SPAG1: variants seen among roughly 807,000 people sequenced by gnomAD.
SPAG1 encodes the protein sperm associated antigen 1.
Under a neutral mutation model 100.5 loss-of-function variants are expected in SPAG1, and 69 were observed. The observed-to-expected ratio is 0.69, with a 90% CI of 0.57 to 0.84. The LOEUF (loss-of-function observed/expected upper bound fraction) is 0.84, where lower values mean the gene tolerates loss of function less well. SPAG1 is among the 40% of genes least tolerant of loss of function. SPAG1 has a pLI of 0.00. For synonymous variants in SPAG1, 336 were observed against 411.6 expected (o/e 0.82, Z 2.22); for missense variants, 955 against 1,133.1 (o/e 0.84, Z 2.26).
chr8:100,215,276 C>T (rs1243226329), intron 12 of SPAG1, among the ~76,000 whole-genome samples: 1 of 151,724 alleles, frequency 6.6e-6, no homozygotes, highest in Non-Finnish European at 1.5e-5. Flanking sequence ...AAGTTACCTG[C>T]CTGGATGGTA....
intron 10 of SPAG1, among the ~76,000 whole-genome samples, chr8:100,204,512 TA>T (rs34784426): frequency 0.5 from 74,381 of 147,820 alleles, 19,612 homozygotes; most frequent in Admixed American, 0.63. Context: ...CTTGGAGAGT[TA>T]AAAAAAAAAA....
At chr8:100,202,891 T>A (rs1265836051) in intron 10 of SPAG1, among the ~76,000 whole-genome samples, 1 of 152,098 alleles carries the variant, frequency 6.6e-6, no homozygotes, top group Non-Finnish European at 1.5e-5. Context: ...CTGGGTGCAG[T>A]GGCTCATGCC....
chr8:100,212,985 C>T, intron 10 of SPAG1, 105 bp from the exon 11 acceptor site: 4 of 956,408 alleles, frequency 4.2e-6, no homozygotes, highest in Non-Finnish European at 5.6e-6. Context: ...GCCGGCTTCC[C>T]TAGAGCCCGC....
intron 13 of SPAG1, 87 bp downstream of exon 13, chr8:100,220,518 ATG>A (rs1236694504): frequency 1.7e-5 from 18 of 1,086,196 alleles, no homozygotes; most frequent in Non-Finnish European, 2.2e-5. Flanking sequence ...CAAAATATAG[ATG>A]TGTTATCAGT....
intron 12 of SPAG1, among the ~76,000 whole-genome samples, chr8:100,218,075 A>G (rs1386948533): frequency 3.3e-5 from 5 of 152,158 alleles, no homozygotes; most frequent in Admixed American, 6.5e-5. Flanking sequence ...TACAGGCTTG[A>G]GCCACCGTGC....
intron 16 of SPAG1, among the ~76,000 whole-genome samples, chr8:100,233,838 T>C (rs1412041808): frequency 6.6e-6 from 1 of 152,258 alleles, no homozygotes; most frequent in Admixed American, 6.5e-5. Flanking sequence ...GGTTTGGTAC[T>C]GAATTACCGA....
chr8:100,208,858 A>T (rs1019373612), intron 10 of SPAG1, among the ~76,000 whole-genome samples: 1 of 152,162 alleles, frequency 6.6e-6, no homozygotes, highest in African/African-American at 2.4e-5. Flanking sequence ...TCTTTATTTG[A>T]AGATTATGTA....
chr8:100,166,787 A>G (rs2514694), intron 3 of SPAG1, among the ~76,000 whole-genome samples: 95,858 of 151,774 alleles, frequency 0.63, 30,706 homozygotes, highest in African/African-American at 0.74. Flanking sequence ...TGTGTCTGTA[A>G]TCCCAGCCAT....
At chr8:100,221,115 TATAGAATAAG>T (rs1288842249) in intron 13 of SPAG1, among the ~76,000 whole-genome samples, 1 of 152,106 alleles carries the variant, frequency 6.6e-6, no homozygotes, top group African/African-American at 2.4e-5. Context: ...CAGTACTAGC[TATAGAATAAG>T]ATCCAAAAAT....
chr8:100,203,296 T>C (rs1200011910), intron 10 of SPAG1, among the ~76,000 whole-genome samples: 5 of 152,148 alleles, frequency 3.3e-5, no homozygotes, highest in Non-Finnish European at 7.3e-5. Context: ...TTGTGGGACC[T>C]TGTGATTGTG....
At chr8:100,159,136 C>A (rs1183639666) in intron 1 of SPAG1, among the ~76,000 whole-genome samples, 1 of 152,152 alleles carries the variant, frequency 6.6e-6, no homozygotes, top group Non-Finnish European at 1.5e-5. Context: ...TCAAGGTAAT[C>A]TATTTTAATC....
intron 10 of SPAG1, among the ~76,000 whole-genome samples, chr8:100,204,636 C>A (rs575046658): frequency 6.6e-6 from 1 of 152,232 alleles, no homozygotes; most frequent in Admixed American, 6.5e-5. Context: ...GGAAGGGATC[C>A]AAAGGCTTAG....
In SPAG1 at chr8:100,172,061, AT is replaced by A. The variant is rs1295540787; in HGVS notation, c.301-5750del. Among the ~76,000 whole-genome samples the A allele has an allele frequency of 2.6e-5, 4 of 151,974 alleles. No individual in the cohort carries two copies. The East Asian group carries it at 7.7e-4, about 29-fold the overall frequency. ...AGGCACGTGCCACCGCGCCCAGCTA[AT>A]TTTTGCATTTTTTCTATTAATGTGT... is the stretch of plus-strand genomic sequence containing the variant. On this transcript the variant is annotated intron_variant, in intron 3 of 18. Transcript: ENST00000388798.
intron 15 of SPAG1, 96 bp from the exon 16 acceptor site, chr8:100,233,315 A>G: frequency 7.5e-7 from 1 of 1,331,738 alleles, no homozygotes; most frequent in Non-Finnish European, 1.1e-6. Flanking sequence ...AGCAACAGAC[A>G]TATTGAGCTA....
intron 3 of SPAG1, among the ~76,000 whole-genome samples, chr8:100,168,360 G>A (rs995181299): frequency 7.2e-4 from 109 of 151,446 alleles, no homozygotes; most frequent in African/African-American, 2.5e-3. Context: ...TCCTTTGCCC[G>A]TTAAAAAAAA....
intron 14 of SPAG1, among the ~76,000 whole-genome samples, chr8:100,228,300 G>A (rs1362858108): frequency 1.3e-5 from 2 of 151,676 alleles, no homozygotes; most frequent in Non-Finnish European, 2.9e-5. Context: ...GGCTGGGCAT[G>A]GTGGCTCTTG....
intron 3 of SPAG1, among the ~76,000 whole-genome samples, chr8:100,170,610 T>C (rs1020440513): frequency 3.2e-4 from 48 of 152,108 alleles, no homozygotes; most frequent in African/African-American, 1.2e-3. Flanking sequence ...AGATACCTAA[T>C]TTTAATTTCA....
chr8:100,190,074 G>A (rs1273561153), intron 8 of SPAG1, among the ~76,000 whole-genome samples: 1 of 152,146 alleles, frequency 6.6e-6, no homozygotes, highest in East Asian at 1.9e-4. Flanking sequence ...ACTTTGGGAG[G>A]TTGGGGCAGG....
chr8:100,183,975 T>A lies in SPAG1; in HGVS notation c.508T>A (p.Cys170Ser). The stretch of plus-strand genomic sequence containing the variant: ...TTTAAGATTTGACGTGGAGAAGGAA[T>A]GTTTAAAAATTGATGAAGATTACAA... Reference protein sequence around the residue: ...EWDKFDVEKECLKIDEDYKEK... With the variant: ...EWDKFDVEKESLKIDEDYKEK... The change falls in exon 6 of 19, where the codon TGT (cysteine) becomes AGT (serine). Residue 170 changes from cysteine to serine, a missense_variant. Cys to Ser is a moderately radical substitution (Grantham distance 112). Transcript: ENST00000388798. 6.5e-7 allele frequency: 1 copy of A among 1,531,800 alleles called. No individual in the cohort carries two copies. The highest frequency in any genetic ancestry group is 8.8e-7 in the Non-Finnish European group (1 of 1,139,516). 94.9% of individuals were successfully genotyped at this position (1,531,800 alleles called of 1,614,324 possible). A position where few individuals can be genotyped will look rare whatever the true frequency, so the allele number is the denominator to read the frequency against.
Sources: allele counts gnomAD v4.1 joint callset (sites outside exome capture counted in the v4.1 genomes callset), GRCh38; gene constraint gnomAD v4.1.1; transcripts MANE v1.5; gene names NCBI Gene and HGNC (gene_info 2026-07-23, HGNC 2026-07-21).